Variants in RAI14 observed in about 807,000 individuals in gnomAD.
RAI14 encodes the protein ankycorbin.
Under a neutral mutation model 115.4 loss-of-function variants are expected in RAI14, and 45 were observed. The ratio of observed to expected loss-of-function variants is 0.39; its 90% CI spans 0.31 to 0.50. The LOEUF (loss-of-function observed/expected upper bound fraction) is 0.50. Among genes scored for constraint, RAI14 ranks in the 20% least tolerant of loss-of-function variants. RAI14 has a pLI of 0.85. For synonymous variants in RAI14, 371 were observed against 415.4 expected (o/e 0.89, Z 1.30); for missense variants, 939 against 1,131.2 (o/e 0.83, Z 2.44).
chr5:34,789,868 GCATAGATT>G (rs902047782), intron 3 of RAI14, among the ~76,000 whole-genome samples: 1 of 152,204 alleles, frequency 6.6e-6, no homozygotes, highest in African/African-American at 2.4e-5. Flanking sequence ...AAGTAAGGAA[GCATAGATT>G]CAAACCCAGA....
rs147112319 is a variant in RAI14 at position 34,715,243 on chromosome 5, C to A, written c.36+28288C>A. ...GAGATTTCTTGGAACTGTGGTGTCA[C>A]CGTTTTTATACCAAATGTGGGTGTT... is the stretch of plus-strand genomic sequence containing the variant. On this transcript the variant is annotated intron_variant, in intron 2 of 17. Coordinates refer to ENST00000265109, the MANE Select transcript of RAI14 (RefSeq NM_015577.3). Among the ~76,000 whole-genome samples the A allele has an allele frequency of 2.0e-5, 3 of 152,006 alleles. No individual in the cohort carries two copies. In the East Asian group the frequency reaches 5.8e-4, roughly 29 times the overall value.
At position 34,822,664 on chromosome 5, in the gene RAI14, C is replaced by CTTT. The variant is rs143092935; in HGVS notation, c.1114-257_1114-255dup. On this transcript the variant is annotated intron_variant, in intron 14 of 17. Coordinates refer to ENST00000265109, the MANE Select transcript of RAI14 (RefSeq NM_015577.3). ...GCTTAGCTAACCACGCCTTTGGTAT[C>CTTT]TTTTTTTTTTTTTTTTTTTTTTTTT... is the stretch of plus-strand genomic sequence containing the variant. 8.4e-5 allele frequency among the ~76,000 whole-genome samples: 4 copies of CTTT among 47,534 alleles called. 1 individual carries two copies. Among genetic ancestry groups the CTTT allele is most frequent in the Non-Finnish European group, 1.2e-4 (3 of 24,688 alleles). 31.2% of individuals were successfully genotyped at this position (47,534 alleles called of 152,430 possible).
intron 2 of RAI14, among the ~76,000 whole-genome samples, chr5:34,717,810 C>T (rs2149984179): frequency 6.6e-6 from 1 of 151,590 alleles, no homozygotes; most frequent in African/African-American, 2.4e-5. Context: ...TAAGTACTGG[C>T]ATTCTTTCCT....
intron 3 of RAI14, among the ~76,000 whole-genome samples, chr5:34,793,078 A>G (rs763772354): frequency 3.9e-5 from 6 of 152,222 alleles, no homozygotes; most frequent in Non-Finnish European, 7.3e-5. Context: ...GATCCCTGAA[A>G]ATGTATTTCA....
rs1744944251 is a variant in RAI14, at chr5:34,686,854, C to CT, written c.-48-11dup. On this transcript the variant is annotated splice_polypyrimidine_tract_variant and intron_variant, in intron 1 of 17. Coordinates refer to ENST00000265109, the MANE Select transcript of RAI14 (RefSeq NM_015577.3). ...CCTTATTTGGAAACCTACATATGTC[C>CT]TTTTTTTCTCTGCTTAGGTGTTGAA... is the stretch of plus-strand genomic sequence containing the variant. 6.6e-7 allele frequency: 1 copy of CT among 1,522,284 alleles called. No homozygotes were observed. Among genetic ancestry groups the CT allele is most frequent in the Non-Finnish European group, 9.1e-7 (1 of 1,100,120 alleles). 94.3% of individuals were successfully genotyped at this position (1,522,284 alleles called of 1,614,324 possible).
chr5:34,701,213 A>G (rs539445769), intron 2 of RAI14, among the ~76,000 whole-genome samples: 2 of 152,188 alleles, frequency 1.3e-5, no homozygotes, highest in South Asian at 2.1e-4. Flanking sequence ...TTATTTTCCA[A>G]CCTGACTCTG....
intron 1 of RAI14, among the ~76,000 whole-genome samples, chr5:34,675,186 G>A (rs556890134): frequency 3.2e-4 from 49 of 152,010 alleles, no homozygotes; most frequent in African/African-American, 8.9e-4. Flanking sequence ...TGAGCCTCCC[G>A]TGCCCAGGCC....
intron 4 of RAI14, among the ~76,000 whole-genome samples, chr5:34,797,713 C>T (rs140025195): frequency 6.6e-6 from 1 of 152,086 alleles, no homozygotes; most frequent in African/African-American, 2.4e-5. Context: ...AACTCAAGAC[C>T]CAATTATTGT....
At chr5:34,708,362 C>T (rs1008769950) in intron 2 of RAI14, among the ~76,000 whole-genome samples, 2 of 152,112 alleles carry the variant, frequency 1.3e-5, no homozygotes, top group Non-Finnish European at 2.9e-5. Context: ...GCCACCTCGC[C>T]CGGCTAATTT....
intron 2 of RAI14, chr5:34,733,255 C>T (rs936662826): frequency 6.6e-6 from 1 of 152,116 alleles, no homozygotes; most frequent in African/African-American, 2.4e-5. Flanking sequence ...TGTTCACAGG[C>T]CTGTCCAATG....
At chr5:34,826,213 C>T in intron 15 of RAI14, 117 bp from the exon 16 acceptor site, 2 of 906,552 alleles carry the variant, frequency 2.2e-6, no homozygotes, top group East Asian at 2.7e-5. Context: ...GGAATTGTTC[C>T]AAAGTCTTAA....
intron 1 of RAI14, among the ~76,000 whole-genome samples, chr5:34,682,858 G>A (rs1744489213): frequency 6.6e-6 from 1 of 152,172 alleles, no homozygotes; most frequent in Admixed American, 6.5e-5. Context: ...TATTTCTTTT[G>A]AAGTAAGCAT....
intron 1 of RAI14, among the ~76,000 whole-genome samples, chr5:34,680,312 T>G (rs1481405799): frequency 6.6e-6 from 1 of 152,176 alleles, no homozygotes; most frequent in Non-Finnish European, 1.5e-5. Flanking sequence ...TTCTGGAGTT[T>G]GGGAAGCCCA....
At chr5:34,673,423 T>C (rs1379871239) in intron 1 of RAI14, among the ~76,000 whole-genome samples, 1 of 152,230 alleles carries the variant, frequency 6.6e-6, no homozygotes. Context: ...GTCATCCTAT[T>C]ATATATTTCA....
chr5:34,660,460 G>A (rs1490798803), intron 1 of RAI14, among the ~76,000 whole-genome samples: 1 of 152,140 alleles, frequency 6.6e-6, no homozygotes, highest in Non-Finnish European at 1.5e-5. Context: ...AAAAGAAAAA[G>A]TGGCTCTTCA....
chr5:34,711,261 A>G (rs1413845040), intron 2 of RAI14, among the ~76,000 whole-genome samples: 1 of 152,140 alleles, frequency 6.6e-6, no homozygotes, highest in Non-Finnish European at 1.5e-5. Context: ...ATTAGTTCTT[A>G]TAGGTTTTGG....
At chr5:34,699,436 G>C (rs1561252396) in intron 2 of RAI14, among the ~76,000 whole-genome samples, 2 of 152,148 alleles carry the variant, frequency 1.3e-5, no homozygotes, top group Non-Finnish European at 2.9e-5. Context: ...GCAATCTTTG[G>C]TGTTTCTTGG....
At chr5:34,826,271 T>G (rs1757436690) in intron 15 of RAI14, 59 bp from the exon 16 acceptor site, 4 of 1,518,516 alleles carry the variant, frequency 2.6e-6, no homozygotes, top group Non-Finnish European at 1.8e-6. Context: ...TACAAATATA[T>G]GAAATTTTGC....
chr5:34,693,585 T>C (rs1018701941), intron 2 of RAI14, among the ~76,000 whole-genome samples: 25 of 152,352 alleles, frequency 1.6e-4, no homozygotes, highest in Middle Eastern at 3.4e-3. Context: ...AGACCATTGC[T>C]ACAATGCATT....
Sources: allele counts gnomAD v4.1 joint callset (sites outside exome capture counted in the v4.1 genomes callset), GRCh38; gene constraint gnomAD v4.1.1; transcripts MANE v1.5; gene names NCBI Gene and HGNC (gene_info 2026-07-23, HGNC 2026-07-21).